ZDBF2: variants seen among roughly 807,000 people sequenced by gnomAD.
The protein encoded by ZDBF2 is zinc finger DBF-type containing 2, also known as DBF4-type zinc finger-containing protein 2.
Under a neutral mutation model 9.4 loss-of-function variants are expected in ZDBF2, and 6 were observed. That is an observed-to-expected ratio of 0.64 (90% CI 0.35 to 1.27). ZDBF2 has a LOEUF of 1.27. ZDBF2 is among the 50% of genes most tolerant of loss of function. ZDBF2 has a pLI of 0.03. For missense variants in ZDBF2, 2,697 were observed against 2,766.8 expected (o/e 0.97, Z 0.57); for synonymous variants, 905 against 946.3 (o/e 0.96, Z 0.80).
At chr2:206,279,964 C>T (rs545457330) in intron 2 of ZDBF2, among the ~76,000 whole-genome samples, 1 of 152,276 alleles carries the variant, frequency 6.6e-6, no homozygotes, top group Non-Finnish European at 1.5e-5. Flanking sequence ...GCCACCACAC[C>T]CAGCTAGTTT....
intron 3 of ZDBF2, among the ~76,000 whole-genome samples, chr2:206,282,578 A>C (rs1691381787): frequency 6.6e-6 from 1 of 152,152 alleles, no homozygotes; most frequent in Non-Finnish European, 1.5e-5. Flanking sequence ...AGGACTTTGA[A>C]TTTTATTTCA....
chr2:206,310,308 C>T lies in ZDBF2; in HGVS notation c.5780C>T (p.Pro1927Leu). ...CGTCATCCTCCAGCAGAGAGGCCTC[C>T]TAAGCAAAAGGGGCGTGTGGCTTCT... The part of the protein sequence containing the change: ...CHRHPPAERP[P>L]KQKGRVASQC... The change falls in exon 5 of 5, where the codon CCT (proline) becomes CTT (leucine). Residue 1927 changes from proline (P) to leucine (L), a missense_variant. Around this residue, in one of 3 missense-constraint regions of ZDBF2, gnomAD observed 1,783 missense variants for 1,776.5 expected, o/e 1.00. Coordinates refer to ENST00000374423, the MANE Select transcript of ZDBF2 (RefSeq NM_020923.3). The T allele has an allele frequency of 6.2e-7, 1 of 1,613,862 alleles. No individual in the cohort carries two copies. The highest frequency in any genetic ancestry group is 8.5e-7 in the Non-Finnish European group (1 of 1,179,870).
At position 206,310,441 on chromosome 2, in the gene ZDBF2, G is replaced by A. The variant is rs774143362; in HGVS notation, c.5913G>A (p.Lys1971=). 1 of 1,613,966 alleles carries A rather than the reference G, an allele frequency of 6.2e-7. No individual in the cohort carries two copies. The highest frequency in any genetic ancestry group is 1.7e-5 in the Admixed American group (1 of 60,010). The change falls in exon 5 of 5, where the codon AAG becomes AAA. Residue 1971 remains lysine, a synonymous_variant. Coordinates refer to ENST00000374423, the MANE Select transcript of ZDBF2 (RefSeq NM_020923.3). ...IRQEEDPPKS[K]CSRLQDDRKT... ...AAGAGGAAGACCCACCAAAAAGTAA[G>A]TGTTCACGTTTACAGGATGACAGAA...
Position 206,313,476 on chromosome 2 carries a change from C to T in ZDBF2, c.*1883C>T, listed in dbSNP as rs1693280274. On this transcript the variant is annotated 3_prime_UTR_variant, in exon 5 of 5. Coordinates refer to ENST00000374423, the MANE Select transcript of ZDBF2 (RefSeq NM_020923.3). Reference sequence around the variant, plus strand: ...TTTTAATTTAGGAACAAAGCTTTGTCCTACTGACTAGGAAGTAAACAAACA... The same window carrying T: ...TTTTAATTTAGGAACAAAGCTTTGTTCTACTGACTAGGAAGTAAACAAACA... 1 of 152,098 alleles carries T rather than the reference C, an allele frequency of 6.6e-6. No homozygotes were observed. 9.4% of individuals were successfully genotyped at this position (152,098 alleles called of 1,614,324 possible).
At chr2:206,283,956 A>G (rs967793159) in intron 3 of ZDBF2, among the ~76,000 whole-genome samples, 9 of 152,138 alleles carry the variant, frequency 5.9e-5, no homozygotes, top group African/African-American at 2.2e-4. Flanking sequence ...AGCCACCACA[A>G]CTGGCCTTCT....
At position 206,308,284 on chromosome 2, in the gene ZDBF2, A is replaced by G; in HGVS notation, c.3756A>G (p.Pro1252=). ...TGTATGATTCTGATGTTCTTCAGCC[A>G]GTGGCTGGCCAACCTGAAGAAGTAG... is the stretch of plus-strand genomic sequence containing the variant. ...EIMYDSDVLQ[P]VAGQPEEVVK... The change falls in exon 5 of 5, where the codon CCA becomes CCG. Residue 1252 remains proline, a synonymous_variant. Coordinates refer to ENST00000374423, the MANE Select transcript of ZDBF2 (RefSeq NM_020923.3). 6.2e-7 allele frequency: 1 copy of G among 1,613,924 alleles called. No individual in the cohort carries two copies. The highest frequency in any genetic ancestry group is 2.2e-5 in the East Asian group (1 of 44,886).
In ZDBF2 at chr2:206,307,368, A is replaced by C; in HGVS notation, c.2840A>C (p.Tyr947Ser). Residue 947 changes from tyrosine to serine, a missense_variant, in exon 5 of 5, where the codon TAC becomes TCC. By Grantham distance (144) the Tyr-to-Ser change is moderately radical. Coordinates refer to ENST00000374423, the MANE Select transcript of ZDBF2 (RefSeq NM_020923.3). ...EISLHTKEHMYLENKSVFETS... is the reference protein window; with the variant it reads ...EISLHTKEHMSLENKSVFETS... ...AGCCTTCACACAAAAGAGCACATGT[A>C]CTTAGAAAATAAGAGTGTTTTTGAA... The C allele has an allele frequency of 6.2e-7, 1 of 1,613,390 alleles. No homozygotes were observed. The highest frequency in any genetic ancestry group is 8.5e-7 in the Non-Finnish European group (1 of 1,179,738).
rs769836112 is a variant in ZDBF2, at chr2:206,308,262, A to G, written c.3734A>G (p.Tyr1245Cys). ...RNEAKGFEIM[Y>C]DSDVLQPVAG... ...GAAGCTAAGGGTTTTGAAATTATGT[A>G]TGATTCTGATGTTCTTCAGCCAGTG... Residue 1245 changes from tyrosine (Y) to cysteine (C), a missense_variant, in exon 5 of 5, where the codon TAT (tyrosine) becomes TGT (cysteine). Around this residue, in one of 3 missense-constraint regions of ZDBF2, gnomAD observed 1,783 missense variants for 1,776.5 expected, o/e 1.00. Coordinates refer to ENST00000374423, the MANE Select transcript of ZDBF2 (RefSeq NM_020923.3). The G allele has an allele frequency of 3.7e-6, 6 of 1,613,816 alleles. No homozygotes were observed. Among genetic ancestry groups the G allele is most frequent in the Admixed American group, 1.7e-5 (1 of 59,976 alleles).
At chr2:206,298,367 A>G (rs1692310670) in intron 4 of ZDBF2, among the ~76,000 whole-genome samples, 1 of 152,242 alleles carries the variant, frequency 6.6e-6, no homozygotes, top group Non-Finnish European at 1.5e-5. Context: ...AAAAAGGGAT[A>G]AACTTCTTTG....
intron 4 of ZDBF2, among the ~76,000 whole-genome samples, chr2:206,304,224 C>T (rs114914790): frequency 6.8e-4 from 104 of 152,274 alleles, no homozygotes; most frequent in Non-Finnish European, 1.1e-3. Flanking sequence ...TACACCCGCA[C>T]CAAAACAATG....
At chr2:206,289,362 AG>A (rs1444038714) in intron 3 of ZDBF2, among the ~76,000 whole-genome samples, 1 of 152,116 alleles carries the variant, frequency 6.6e-6, no homozygotes, top group Non-Finnish European at 1.5e-5. Context: ...ACTTCAACCT[AG>A]GCACTGGGGA....
chr2:206,287,605 A>G (rs957004813), intron 3 of ZDBF2, among the ~76,000 whole-genome samples: 9 of 152,190 alleles, frequency 5.9e-5, no homozygotes, highest in African/African-American at 1.9e-4. Context: ...GGATATCCAT[A>G]GACTTGGGAA....
intron 3 of ZDBF2, among the ~76,000 whole-genome samples, chr2:206,292,433 G>A (rs1691945314): frequency 6.6e-6 from 1 of 152,098 alleles, no homozygotes. Flanking sequence ...AAGAGTAACA[G>A]ATTGAAAAAG....
chr2:206,304,107 A>G (rs1692642034), intron 4 of ZDBF2, among the ~76,000 whole-genome samples: 1 of 152,178 alleles, frequency 6.6e-6, no homozygotes, highest in African/African-American at 2.4e-5. Context: ...TTTAATAGAC[A>G]TTGCCAAATT....
At chr2:206,295,289 A>C (rs1334152782) in intron 3 of ZDBF2, among the ~76,000 whole-genome samples, 1 of 152,224 alleles carries the variant, frequency 6.6e-6, no homozygotes, top group Non-Finnish European at 1.5e-5. Flanking sequence ...GTTAGATTCA[A>C]ATCCTGGCCT....
rs1004284843 is a variant in ZDBF2, at chr2:206,307,893, T to C, written c.3365T>C (p.Val1122Ala). 3.1e-6 allele frequency: 5 copies of C among 1,613,606 alleles called. No homozygotes were observed. In the African/African-American group the frequency reaches 5.3e-5, roughly 17 times the overall value. ...TATAAATTAATACATCATCCTGATG[T>C]TTCTGTCCAATCTGTGGCTGATCAA... ...STYKLIHHPD[V>A]SVQSVADQPK... The change falls in exon 5 of 5, where the codon GTT becomes GCT. Residue 1122 changes from valine to alanine, a missense_variant. Val to Ala is a moderately conservative substitution (Grantham distance 64, BLOSUM62 0). Transcript: ENST00000374423.
intron 2 of ZDBF2, among the ~76,000 whole-genome samples, chr2:206,280,977 C>G (rs957187683): frequency 2.0e-5 from 3 of 152,096 alleles, no homozygotes; most frequent in African/African-American, 7.2e-5. Context: ...TTAAAATAAT[C>G]ATAAATTATA....
intron 1 of ZDBF2, among the ~76,000 whole-genome samples, chr2:206,279,057 C>T (rs1691174006): frequency 6.6e-6 from 1 of 152,146 alleles, no homozygotes; most frequent in Non-Finnish European, 1.5e-5. Context: ...GGATAAGGAG[C>T]AGCACTTTGC....
intron 3 of ZDBF2, 144 bp downstream of exon 3, chr2:206,282,053 G>T: frequency 1.5e-6 from 1 of 687,966 alleles, no homozygotes; most frequent in Non-Finnish European, 2.3e-6. Context: ...AGGTTCTAGG[G>T]ATATGACCAT....
Sources: gnomAD v4.1 joint callset for allele counts (sites outside exome capture counted in the v4.1 genomes callset) on GRCh38, gnomAD v4.1.1 for gene constraint, gnomAD v4.1.1 regional missense constraint, MANE v1.5 for transcripts, NCBI Gene and HGNC (gene_info 2026-07-23, HGNC 2026-07-21) for gene names.